Variants in NRXN1 observed in about 807,000 individuals in gnomAD.
NRXN1 encodes neurexin-1.
A neutral mutation model predicts 150.9 loss-of-function variants in NRXN1; 39 were observed. That is an observed-to-expected ratio of 0.26 (90% CI 0.20 to 0.34). NRXN1 has a LOEUF of 0.34. NRXN1 is among the 10% of genes least tolerant of loss of function. NRXN1 has a pLI of 1.00. For synonymous variants in NRXN1, 924 were observed against 757.0 expected, an observed-to-expected ratio of 1.22 and a Z score of -3.62; for missense variants, 1,815 against 1,949.9, an observed-to-expected ratio of 0.93 and a Z score of 1.30.
chr2:50,463,993 G>A (rs1271210023), intron 17 of NRXN1: 1 of 151,442 alleles, frequency 6.6e-6, no homozygotes, highest in Non-Finnish European at 1.5e-5. Flanking sequence ...TGTGAGGCAG[G>A]AACAAATGCA....
At chr2:50,440,399 TC>T (rs199573343) in intron 17 of NRXN1, among the ~76,000 whole-genome samples, 5 of 150,672 alleles carry the variant, frequency 3.3e-5, no homozygotes, top group East Asian at 1.9e-4. Flanking sequence ...CTGACTATAG[TC>T]TTTATTATTA....
chr2:50,773,006 A>G (rs1437553976), intron 5 of NRXN1, among the ~76,000 whole-genome samples: 1 of 152,112 alleles, frequency 6.6e-6, no homozygotes, highest in Non-Finnish European at 1.5e-5. Flanking sequence ...TTGCTTTCCC[A>G]CTGTGCTTGG....
At chr2:50,730,262 T>C (rs2105192844) in intron 5 of NRXN1, among the ~76,000 whole-genome samples, 1 of 152,342 alleles carries the variant, frequency 6.6e-6, no homozygotes, top group Admixed American at 6.5e-5. Context: ...TATGGTCTAC[T>C]ATTTTTTTAA....
At chr2:50,716,092 A>T (rs1250325512) in intron 5 of NRXN1, among the ~76,000 whole-genome samples, 1 of 152,190 alleles carries the variant, frequency 6.6e-6, no homozygotes, top group African/African-American at 2.4e-5. Flanking sequence ...AAATGAAGTA[A>T]ATGAAAATGT....
In NRXN1 at chr2:50,650,845, C is replaced by T. The variant is rs1341393815; in HGVS notation, c.833-27230G>A. On this transcript the variant is annotated intron_variant, in intron 5 of 22. Coordinates refer to ENST00000401669, the MANE Select transcript of NRXN1 (RefSeq NM_001330078.2). ...AAGAAGTACAAAGTGATCTTTAGCACTGTCTAGCTTAAAATGTTGATAGTT... is the reference window on the plus strand; with the variant it reads ...AAGAAGTACAAAGTGATCTTTAGCATTGTCTAGCTTAAAATGTTGATAGTT... Among the ~76,000 whole-genome samples, 3 of 151,990 alleles carry T rather than the reference C, an allele frequency of 2.0e-5. No individual in the cohort carries two copies. In the South Asian group the frequency reaches 6.2e-4, roughly 32 times the overall value.
chr2:50,903,939 T>G (rs1266568024), intron 5 of NRXN1, among the ~76,000 whole-genome samples: 1 of 152,172 alleles, frequency 6.6e-6, no homozygotes, highest in Non-Finnish European at 1.5e-5. Flanking sequence ...TTATCAAATA[T>G]TTTAAAATAA....
chr2:50,427,132 A>G (rs2084558604), intron 17 of NRXN1, among the ~76,000 whole-genome samples: 1 of 152,176 alleles, frequency 6.6e-6, no homozygotes, highest in Admixed American at 6.5e-5. Context: ...ATACTAAATC[A>G]CTGACATCAT....
At chr2:50,476,527 T>C (rs939334968) in intron 15 of NRXN1, among the ~76,000 whole-genome samples, 5 of 147,558 alleles carry the variant, frequency 3.4e-5, no homozygotes, top group African/African-American at 7.6e-5. Flanking sequence ...GTATACAGCA[T>C]GGACTTAGCC....
chr2:50,326,583 A>G (rs572337720), intron 17 of NRXN1, among the ~76,000 whole-genome samples: 94 of 152,296 alleles, frequency 6.2e-4, no homozygotes, highest in African/African-American at 2.2e-3. Flanking sequence ...ATATATTTGA[A>G]GTTTTCACCT....
chr2:50,677,136 C>T (rs1009209497), intron 5 of NRXN1, among the ~76,000 whole-genome samples: 6 of 152,060 alleles, frequency 3.9e-5, no homozygotes, highest in African/African-American at 1.4e-4. Flanking sequence ...TCTTTTGAAA[C>T]ATTATTGTTA....
At position 50,055,117 on chromosome 2, in the gene NRXN1, T is replaced by C. The variant is rs538051907; in HGVS notation, c.3719-73A>G. 1.0e-4 allele frequency: 104 copies of C among 1,029,918 alleles called. No homozygotes were observed. In the African/African-American group the frequency reaches 1.5e-3, roughly 15 times the overall value. 63.8% of individuals were successfully genotyped at this position (1,029,918 alleles called of 1,614,324 possible). On this transcript the variant is annotated intron_variant, in intron 19 of 22. Coordinates refer to ENST00000401669, the MANE Select transcript of NRXN1 (RefSeq NM_001330078.2). ...AAGGTTAAAAGTTAATACTTAAAGA[T>C]TGAGCTATACAGTTGCCACATGATT...
At chr2:50,808,434 T>C (rs1437846172) in intron 5 of NRXN1, among the ~76,000 whole-genome samples, 1 of 152,030 alleles carries the variant, frequency 6.6e-6, no homozygotes, top group East Asian at 1.9e-4. Context: ...CATTACGTTT[T>C]AGGATTAAGA....
chr2:50,831,130 C>T (rs191754838), intron 5 of NRXN1, among the ~76,000 whole-genome samples: 3 of 152,050 alleles, frequency 2.0e-5, no homozygotes, highest in Admixed American at 6.5e-5. Flanking sequence ...TATAAATGTA[C>T]AATTAAGTTA....
intron 21 of NRXN1, among the ~76,000 whole-genome samples, chr2:49,968,169 G>A (rs1035169535): frequency 2.6e-5 from 4 of 151,424 alleles, no homozygotes; most frequent in Admixed American, 6.6e-5. Context: ...AAGAGCTGGC[G>A]AAGGAAGTAG....
At chr2:50,276,155 T>C (rs2070432009) in intron 17 of NRXN1, among the ~76,000 whole-genome samples, 1 of 152,112 alleles carries the variant, frequency 6.6e-6, no homozygotes, top group African/African-American at 2.4e-5. Flanking sequence ...AAAAGGCTTC[T>C]TGATGCTTCT....
At chr2:50,188,485 A>T (rs1296465817) in intron 18 of NRXN1, among the ~76,000 whole-genome samples, 7 of 152,180 alleles carry the variant, frequency 4.6e-5, no homozygotes. Context: ...TAACTAAAAC[A>T]CTAAAAGCAA....
chr2:50,394,452 T>C (rs1156444082), intron 17 of NRXN1, among the ~76,000 whole-genome samples: 1 of 152,082 alleles, frequency 6.6e-6, no homozygotes, highest in Non-Finnish European at 1.5e-5. Context: ...GGGTCAGAAT[T>C]AAAGAATATA....
At chr2:50,727,291 C>G (rs1402357893) in intron 5 of NRXN1, among the ~76,000 whole-genome samples, 1 of 152,120 alleles carries the variant, frequency 6.6e-6, no homozygotes, top group Non-Finnish European at 1.5e-5. Context: ...AAGCAAAATT[C>G]CAGTTACAAC....
chr2:50,840,333 C>T (rs1488263366), intron 5 of NRXN1, among the ~76,000 whole-genome samples: 1 of 152,022 alleles, frequency 6.6e-6, no homozygotes, highest in Admixed American at 6.6e-5. Context: ...CTTTTAATAT[C>T]CTTAGGTGAA....
Sources: gnomAD v4.1 joint callset for allele counts (sites outside exome capture counted in the v4.1 genomes callset) on GRCh38, gnomAD v4.1.1 for gene constraint, MANE v1.5 for transcripts, NCBI Gene and HGNC (gene_info 2026-07-23, HGNC 2026-07-21) for gene names.